IFT140: variants seen among roughly 807,000 people sequenced by gnomAD.
IFT140 encodes the protein intraflagellar transport protein 140 homolog.
In IFT140, 133 loss-of-function variants were observed where a neutral mutation model predicts 164.6. The ratio of observed to expected loss-of-function variants is 0.81; its 90% CI spans 0.70 to 0.93. The LOEUF (loss-of-function observed/expected upper bound fraction) is 0.93. Among genes scored for constraint, IFT140 ranks in the 40% least tolerant of loss-of-function variants. The probability of loss-of-function intolerance (pLI) is 0.00; values close to 1 mark genes in which losing one functional copy is unlikely to be tolerated. For missense variants in IFT140, 2,045 were observed against 1,972.3 expected (o/e 1.04, Z -0.70); for synonymous variants, 860 against 817.3 (o/e 1.05, Z -0.89).
At position 1,588,042 on chromosome 16, in the gene IFT140, C is replaced by T. The variant is rs371769718; in HGVS notation, c.811-18G>A. The T allele has an allele frequency of 7.3e-5, 118 of 1,610,322 alleles. No individual in the cohort carries two copies. The highest frequency in any genetic ancestry group is 8.8e-5 in the Non-Finnish European group (104 of 1,177,876). ...AGCTTGACCTGTGTGAGGAAACAAC[C>T]GAGCAGAGGCACCGTGCTTGCTGAG... is the stretch of plus-strand genomic sequence containing the variant. On this transcript the variant is annotated intron_variant, in intron 7 of 30. Transcript: ENST00000426508.
At chr16:1,562,680 G>C (rs190335978) in intron 17 of IFT140, among the ~76,000 whole-genome samples, 124 of 152,268 alleles carry the variant, frequency 8.1e-4, no homozygotes, top group African/African-American at 2.9e-3. Flanking sequence ...TCTGAGGCAG[G>C]AGGATCGCTT....
chr16:1,552,750 G>C (rs1421575759), intron 19 of IFT140, among the ~76,000 whole-genome samples: 1 of 148,954 alleles, frequency 6.7e-6, no homozygotes, highest in Non-Finnish European at 1.5e-5. Flanking sequence ...TTGGGTTCAA[G>C]CAATTCTCTG....
chr16:1,553,276 C>G lies in IFT140; in HGVS notation c.2399+4659G>C. 3 of 980,644 alleles carry G rather than the reference C, an allele frequency of 3.1e-6. No homozygotes were observed. Among genetic ancestry groups the G allele is most frequent in the Non-Finnish European group, 3.6e-6 (3 of 825,660 alleles). The allele number at this position is 980,644 out of a possible 1,614,324, so 60.7% of individuals were successfully genotyped here. On this transcript the variant is annotated intron_variant, in intron 19 of 30. Transcript: ENST00000426508. The surrounding 1 kb of genome is among the most constrained non-coding windows in gnomAD (Gnocchi z 4.4). Reference sequence around the variant, plus strand: ...TCTCTGTATCTCTCTTGGTCTCTGTCTCTCTGTGTCTCTGCCTGTCTCTCT... The same window carrying G: ...TCTCTGTATCTCTCTTGGTCTCTGTGTCTCTGTGTCTCTGCCTGTCTCTCT...
Position 1,571,844 on chromosome 16 carries a change from C to A in IFT140, c.1525-310G>T, listed in dbSNP as rs1324429308. 9.2e-5 allele frequency among the ~76,000 whole-genome samples: 14 copies of A among 152,246 alleles called. No homozygotes were observed. In the East Asian group the frequency reaches 2.7e-3, roughly 29 times the overall value. On this transcript the variant is annotated intron_variant, in intron 13 of 30. Transcript: ENST00000426508. ...GTCGACAAACAAATACATATGTAATCTCAGCTGAGTAAGTGCCATGTAGGT... is the reference window on the plus strand; with the variant it reads ...GTCGACAAACAAATACATATGTAATATCAGCTGAGTAAGTGCCATGTAGGT...
At chr16:1,582,144 G>A (rs895281886) in intron 12 of IFT140, among the ~76,000 whole-genome samples, 1 of 152,154 alleles carries the variant, frequency 6.6e-6, no homozygotes, top group African/African-American at 2.4e-5. Flanking sequence ...CAATGGGCTG[G>A]GAAAGGTTCC....
At chr16:1,537,238 A>G (rs1386514935) in intron 19 of IFT140, among the ~76,000 whole-genome samples, 1 of 151,636 alleles carries the variant, frequency 6.6e-6, no homozygotes, top group African/African-American at 2.4e-5. Context: ...CAGGGAAGAC[A>G]ACGCCACACC....
At chr16:1,587,793 T>TC in intron 8 of IFT140, 140 bp downstream of exon 8, 1 of 659,454 alleles carries the variant, frequency 1.5e-6, no homozygotes, top group Admixed American at 3.0e-5. Flanking sequence ...TGGGAGCTGG[T>TC]GAATGGGTAC....
Position 1,551,870 on chromosome 16 carries a change from G to A in IFT140, c.2399+6065C>T, listed in dbSNP as rs977203928. ...TTTCTTCCCGAGGTTTTCCTAGAAA[G>A]CCACTGTAAATCCGAGCTGTGCACT... is the stretch of plus-strand genomic sequence containing the variant. On this transcript the variant is annotated intron_variant, in intron 19 of 30. Coordinates refer to ENST00000426508, the MANE Select transcript of IFT140 (RefSeq NM_014714.4). This position sits in a 1 kb window ranked among gnomAD's most constrained non-coding sequence, Gnocchi z 4.0. 5.9e-5 allele frequency among the ~76,000 whole-genome samples: 9 copies of A among 152,134 alleles called. No individual in the cohort carries two copies. Among genetic ancestry groups the A allele is most frequent in the Non-Finnish European group, 1.0e-4 (7 of 68,000 alleles).
intron 15 of IFT140, among the ~76,000 whole-genome samples, chr16:1,567,524 C>T (rs1043087889): frequency 2.6e-5 from 4 of 152,230 alleles, no homozygotes; most frequent in African/African-American, 9.6e-5. Context: ...TGCAGTTCCA[C>T]ACCCTCCAAG....
Position 1,561,940 on chromosome 16 carries a change from G to A in IFT140, c.2199+45C>T, listed in dbSNP as rs139742210. On this transcript the variant is annotated intron_variant, in intron 18 of 30. Transcript: ENST00000426508. ...CGCTTGCAAGAGCCCAGCCAGGCAA[G>A]GGGAGAGATCAGAAGACACCTGTGC... The A allele has an allele frequency of 1.9e-4, 277 of 1,493,086 alleles. 1 individual carries two copies. In the African/African-American group the frequency reaches 3.3e-3, roughly 18 times the overall value. The allele number at this position is 1,493,086 out of a possible 1,614,324, so 92.5% of individuals were successfully genotyped here. A position where few individuals can be genotyped will look rare whatever the true frequency, so the allele number is the denominator to read the frequency against.
intron 19 of IFT140, among the ~76,000 whole-genome samples, chr16:1,557,033 C>T (rs959142134): frequency 6.6e-6 from 1 of 152,058 alleles, no homozygotes; most frequent in Non-Finnish European, 1.5e-5. Flanking sequence ...TCAGGCTGGT[C>T]TCGAACGAAC....
chr16:1,605,932 T>C (rs1423855425), intron 3 of IFT140, among the ~76,000 whole-genome samples: 1 of 152,154 alleles, frequency 6.6e-6, no homozygotes. Flanking sequence ...TACATATGCC[T>C]GATGTCCTTT....
Position 1,520,268 on chromosome 16 carries a change from T to C in IFT140, c.3736A>G (p.Ile1246Val), listed in dbSNP as rs766666830. 3 of 1,614,212 alleles carry C rather than the reference T, an allele frequency of 1.9e-6. No homozygotes were observed. Among genetic ancestry groups the C allele is most frequent in the Admixed American group, 1.7e-5 (1 of 60,032 alleles). The change falls in exon 28 of 31, where the codon ATC becomes GTC. Residue 1246 changes from isoleucine to valine, a missense_variant. Transcript: ENST00000426508. The stretch of plus-strand genomic sequence containing the variant: ...AGGTAGTTAGCAGCCATGATGTAGA[T>C]TTCCTTCTGCCTGGACACGCTCGCG... ...FFASVSRQKE[I>V]YIMAANYLQS...
At chr16:1,512,481 G>A (rs1047370505) in intron 30 of IFT140, among the ~76,000 whole-genome samples, 2 of 152,088 alleles carry the variant, frequency 1.3e-5, no homozygotes, top group Non-Finnish European at 2.9e-5. Context: ...TTTTTCTTTT[G>A]TATCTCGAGT....
chr16:1,594,624 C>T (rs990122625), intron 4 of IFT140, among the ~76,000 whole-genome samples: 14 of 152,210 alleles, frequency 9.2e-5, no homozygotes, highest in East Asian at 1.9e-4. Flanking sequence ...GTGCTTGGTG[C>T]GCTGCGTGCT....
intron 13 of IFT140, among the ~76,000 whole-genome samples, chr16:1,573,305 T>C (rs1320126304): frequency 6.6e-6 from 1 of 152,116 alleles, no homozygotes; most frequent in East Asian, 1.9e-4. Flanking sequence ...CAGAGAGCAC[T>C]GGAGGCTCCT....
intron 6 of IFT140, among the ~76,000 whole-genome samples, chr16:1,590,157 C>T (rs1012032025): frequency 1.4e-5 from 2 of 147,192 alleles, no homozygotes; most frequent in Non-Finnish European, 3.0e-5. Context: ...GCCAAGATTA[C>T]GCCATTGCAC....
chr16:1,520,847 G>T, intron 26 of IFT140, 39 bp from the exon 27 acceptor site: 1 of 1,569,896 alleles, frequency 6.4e-7, no homozygotes, highest in South Asian at 1.1e-5. Flanking sequence ...TGCCGAGGGG[G>T]CCGGGAACTG....
chr16:1,542,317 G>A (rs2031728665), intron 19 of IFT140, among the ~76,000 whole-genome samples: 1 of 152,258 alleles, frequency 6.6e-6, no homozygotes, highest in African/African-American at 2.4e-5. Flanking sequence ...CACCTGGCGT[G>A]TCTGTCACAC....
Sources: gnomAD v4.1 joint callset for allele counts (sites outside exome capture counted in the v4.1 genomes callset) on GRCh38, gnomAD v4.1.1 for gene constraint, Gnocchi (gnomAD v3.1) non-coding constraint, MANE v1.5 for transcripts, NCBI Gene and HGNC (gene_info 2026-07-23, HGNC 2026-07-21) for gene names.